Variants in UPP2 observed in about 807,000 individuals in gnomAD.
UPP2 encodes UPase 2.
UPP2 carries 23 observed loss-of-function variants against 26.7 expected under a neutral mutation model. That is an observed-to-expected ratio of 0.86 (90% CI 0.62 to 1.22). The LOEUF (loss-of-function observed/expected upper bound fraction) is 1.22. Among genes scored for constraint, UPP2 ranks in the 50% most tolerant of loss-of-function variants. UPP2 has a pLI of 0.00. For synonymous variants in UPP2, 127 were observed against 141.3 expected (o/e 0.90, Z 0.72); for missense variants, 387 against 396.7 (o/e 0.98, Z 0.21).
intron 3 of UPP2, among the ~76,000 whole-genome samples, chr2:158,022,284 C>T (rs953566872): frequency 4.0e-5 from 6 of 151,814 alleles, no homozygotes; most frequent in Non-Finnish European, 8.8e-5. Flanking sequence ...ATGGTGAAAC[C>T]CTGTCTCTAC....
At chr2:158,034,481 G>T (rs754812534) in intron 3 of UPP2, among the ~76,000 whole-genome samples, 2 of 152,188 alleles carry the variant, frequency 1.3e-5, no homozygotes, top group Non-Finnish European at 2.9e-5. Flanking sequence ...GCTTGATAAT[G>T]GAGTGTGCTC....
At chr2:158,094,112 C>T (rs950228696) in intron 3 of UPP2, among the ~76,000 whole-genome samples, 14 of 151,616 alleles carry the variant, frequency 9.2e-5, no homozygotes, top group Non-Finnish European at 1.3e-4. Flanking sequence ...CTTATAAGTA[C>T]GAGTTTTAAC....
At chr2:158,116,467 A>G (rs1200576757) in intron 3 of UPP2, among the ~76,000 whole-genome samples, 2 of 152,214 alleles carry the variant, frequency 1.3e-5, no homozygotes. Context: ...CCTGTCTGGG[A>G]AAAAGACCTG....
chr2:158,005,360 T>C (rs1683472339), intron 2 of UPP2, among the ~76,000 whole-genome samples: 1 of 152,338 alleles, frequency 6.6e-6, no homozygotes, highest in Non-Finnish European at 1.5e-5. Context: ...GAAACTGAAA[T>C]GTTTAAGCAG....
intron 3 of UPP2, among the ~76,000 whole-genome samples, chr2:158,064,057 C>G (rs528949765): frequency 6.6e-6 from 1 of 152,148 alleles, no homozygotes; most frequent in Non-Finnish European, 1.5e-5. Flanking sequence ...AGTAAACATA[C>G]GTGTGCATGT....
At chr2:158,026,587 C>G (rs1683836384) in intron 3 of UPP2, among the ~76,000 whole-genome samples, 1 of 152,086 alleles carries the variant, frequency 6.6e-6, no homozygotes, top group African/African-American at 2.4e-5. Flanking sequence ...TAAGTCACCG[C>G]CTTGGCAAGA....
intron 2 of UPP2, among the ~76,000 whole-genome samples, chr2:158,010,703 T>C (rs561641575): frequency 1.7e-4 from 26 of 152,146 alleles, no homozygotes; most frequent in Non-Finnish European, 2.9e-4. Flanking sequence ...GTTATATTAA[T>C]AGGTAAAAGG....
At chr2:158,071,944 A>G (rs374270410) in intron 3 of UPP2, among the ~76,000 whole-genome samples, 1 of 152,298 alleles carries the variant, frequency 6.6e-6, no homozygotes, top group East Asian at 1.9e-4. Flanking sequence ...TGAGAAAAGC[A>G]GAGGGAAAAG....
chr2:158,030,169 G>A (rs1203551109), intron 3 of UPP2, among the ~76,000 whole-genome samples: 2 of 152,098 alleles, frequency 1.3e-5, no homozygotes, highest in African/African-American at 4.8e-5. Flanking sequence ...ATAAAAAATT[G>A]GCGATTATGA....
In UPP2 at chr2:158,135,095, A is replaced by G; in HGVS notation, c.*205A>G. 3.5e-6 allele frequency: 2 copies of G among 573,910 alleles called. No homozygotes were observed. Among genetic ancestry groups the G allele is most frequent in the Non-Finnish European group, 5.4e-6 (2 of 371,616 alleles). The allele number at this position is 573,910 out of a possible 1,614,324, so 35.6% of individuals were successfully genotyped here. ...TTAAATTCAAATTTCATTTTAGAAT[A>G]AGTTAACTAAATCAGTCTAATAATT... On this transcript the variant is annotated 3_prime_UTR_variant, in exon 7 of 7. Transcript: ENST00000005756.
chr2:158,058,210 A>G (rs1434960821), intron 3 of UPP2, among the ~76,000 whole-genome samples: 5 of 150,478 alleles, frequency 3.3e-5, no homozygotes, highest in Admixed American at 1.3e-4. Flanking sequence ...GGAGAATGGC[A>G]TGAACCCAGG....
At chr2:158,079,351 A>G (rs1682682923) in intron 3 of UPP2, among the ~76,000 whole-genome samples, 1 of 152,132 alleles carries the variant, frequency 6.6e-6, no homozygotes, top group Non-Finnish European at 1.5e-5. Context: ...TCCAAATTAT[A>G]AGAATTTGGT....
intron 3 of UPP2, among the ~76,000 whole-genome samples, chr2:158,072,499 T>C (rs934449127): frequency 6.6e-6 from 1 of 151,884 alleles, no homozygotes; most frequent in African/African-American, 2.4e-5. Flanking sequence ...AGTAGCCAAA[T>C]AGTGGTTACA....
chr2:158,107,336 A>T (rs377297083), intron 2 of UPP2, among the ~76,000 whole-genome samples: 7 of 152,240 alleles, frequency 4.6e-5, no homozygotes, highest in East Asian at 1.9e-4. Context: ...CTGCAGATTT[A>T]GCTCTTTTGG....
chr2:158,124,189 C>A (rs889751003), intron 6 of UPP2, among the ~76,000 whole-genome samples: 1 of 152,144 alleles, frequency 6.6e-6, no homozygotes, highest in Non-Finnish European at 1.5e-5. Context: ...GTTTCTATTA[C>A]AATTGAATTT....
chr2:158,031,445 C>A (rs773737008), intron 3 of UPP2, among the ~76,000 whole-genome samples: 5 of 152,164 alleles, frequency 3.3e-5, no homozygotes. Flanking sequence ...TGATTTCATT[C>A]TCTTAATTTG....
At chr2:158,017,269 GT>G (rs1683674403) in intron 3 of UPP2, among the ~76,000 whole-genome samples, 1 of 152,022 alleles carries the variant, frequency 6.6e-6, no homozygotes, top group East Asian at 1.9e-4. Context: ...TATGGAGTGT[GT>G]CCTAACTTTA....
At chr2:158,051,598 T>A (rs565414990) in intron 3 of UPP2, among the ~76,000 whole-genome samples, 1 of 152,124 alleles carries the variant, frequency 6.6e-6, no homozygotes, top group South Asian at 2.1e-4. Flanking sequence ...CTGGCCAACA[T>A]AGCAAAACCC....
chr2:158,059,196 T>A (rs1361337818), intron 3 of UPP2, among the ~76,000 whole-genome samples: 1 of 152,210 alleles, frequency 6.6e-6, no homozygotes, highest in Non-Finnish European at 1.5e-5. Context: ...ATCATAGATA[T>A]CTTCAAGAAG....
Sources: gnomAD v4.1 joint callset for allele counts (sites outside exome capture counted in the v4.1 genomes callset) on GRCh38, gnomAD v4.1.1 for gene constraint, MANE v1.5 for transcripts, NCBI Gene and HGNC (gene_info 2026-07-23, HGNC 2026-07-21) for gene names.